Variants in MORN1 observed in about 807,000 individuals in gnomAD.
The protein encoded by MORN1 is MORN repeat containing 1.
MORN1 carries 67 observed loss-of-function variants against 61.9 expected under a neutral mutation model. The observed-to-expected ratio is 1.08, with a 90% CI of 0.89 to 1.33. The LOEUF (loss-of-function observed/expected upper bound fraction) is 1.33, where lower values mean the gene tolerates loss of function less well. Among genes scored for constraint, MORN1 ranks in the 40% most tolerant of loss-of-function variants. MORN1 has a pLI of 0.00. For synonymous variants in MORN1, 301 were observed against 292.0 expected, an observed-to-expected ratio of 1.03 and a Z score of -0.31; for missense variants, 752 against 691.2, an observed-to-expected ratio of 1.09 and a Z score of -0.99.
At chr1:2,374,713 C>T (rs12031614) in intron 6 of MORN1, 156 bp from the exon 7 acceptor site, 232,431 of 597,074 alleles carry the variant, frequency 0.39, 47,182 homozygotes, top group East Asian at 0.55. Flanking sequence ...GCCTGTCCCT[C>T]GGTGGTGAGA....
chr1:2,322,500 A>C, intron 13 of MORN1: 1 of 985,294 alleles, frequency 1.0e-6, no homozygotes, highest in Non-Finnish European at 1.2e-6. Flanking sequence ...AGGGCTGGAC[A>C]AGAGCAAGCC....
intron 10 of MORN1, among the ~76,000 whole-genome samples, chr1:2,346,817 G>T (rs115202793): frequency 0.013 from 1,962 of 152,304 alleles, 18 homozygotes; most frequent in Non-Finnish European, 0.021. Flanking sequence ...GAGTACCGAG[G>T]CTCCTGCCGG....
chr1:2,321,919 T>C, intron 13 of MORN1: 2 of 765,746 alleles, frequency 2.6e-6, no homozygotes, highest in Non-Finnish European at 3.2e-6. Context: ...CCCCCACTGC[T>C]GACCTGGCTA....
In MORN1 at chr1:2,334,689, G is replaced by A. The variant is rs1387721717; in HGVS notation, c.1250+1780C>T. On this transcript the variant is annotated intron_variant, in intron 12 of 13. Coordinates refer to ENST00000378531, the MANE Select transcript of MORN1 (RefSeq NM_024848.3). The surrounding 1 kb of genome is among the most constrained non-coding windows in gnomAD (Gnocchi z 5.4). ...TTTGAACACTGAACACTCCGACTCC[G>A]CGGCCAGGTCGTCCTGGGATTGAAA... Among the ~76,000 whole-genome samples the A allele has an allele frequency of 6.6e-6, 1 of 152,204 alleles. No homozygotes were observed. The highest frequency in any genetic ancestry group is 2.1e-4 in the South Asian group (1 of 4,838).
intron 12 of MORN1, among the ~76,000 whole-genome samples, chr1:2,330,401 G>A (rs1055577745): frequency 1.3e-5 from 2 of 152,138 alleles, no homozygotes; most frequent in Non-Finnish European, 1.5e-5. Context: ...GGAACGGGTC[G>A]GTGTCCTTCG....
intron 8 of MORN1, among the ~76,000 whole-genome samples, chr1:2,362,863 CA>C (rs139162854): frequency 6.2e-5 from 9 of 145,798 alleles, no homozygotes; most frequent in African/African-American, 5.1e-5. Context: ...AACTCCATCT[CA>C]AAAAAAAAAG....
At chr1:2,361,728 T>C (rs1641894120) in intron 8 of MORN1, among the ~76,000 whole-genome samples, 1 of 152,154 alleles carries the variant, frequency 6.6e-6, no homozygotes, top group African/African-American at 2.4e-5. Flanking sequence ...TTGGCCAACG[T>C]GGGGATGAGG....
chr1:2,351,525 C>T (rs377030187), intron 10 of MORN1: 7 of 180,784 alleles, frequency 3.9e-5, no homozygotes, highest in South Asian at 1.0e-4. Flanking sequence ...CCTTCTCCTC[C>T]GGTAAGAGTC....
chr1:2,339,219 A>G (rs1166399304), intron 10 of MORN1, among the ~76,000 whole-genome samples: 1 of 152,176 alleles, frequency 6.6e-6, no homozygotes, highest in Non-Finnish European at 1.5e-5. Context: ...TCTAGATCCC[A>G]GCGCATCTGG....
intron 12 of MORN1, among the ~76,000 whole-genome samples, chr1:2,335,574 C>T (rs1641247790): frequency 6.6e-6 from 1 of 152,212 alleles, no homozygotes; most frequent in African/African-American, 2.4e-5. Flanking sequence ...GGGCTCATGT[C>T]TCTCAAGAGC....
At chr1:2,389,015 G>A (rs1333276947) in intron 2 of MORN1, among the ~76,000 whole-genome samples, 1 of 151,468 alleles carries the variant, frequency 6.6e-6, no homozygotes, top group African/African-American at 2.4e-5. Context: ...ATGAGGCTGA[G>A]GCAGGAGAAT....
chr1:2,370,724 A>G (rs1642100732), intron 8 of MORN1, among the ~76,000 whole-genome samples: 1 of 147,500 alleles, frequency 6.8e-6, no homozygotes, highest in Non-Finnish European at 1.5e-5. Context: ...CACCCAGGCT[A>G]GAGTGTAGTG....
chr1:2,323,517 C>T, intron 13 of MORN1: 1 of 985,394 alleles, frequency 1.0e-6, no homozygotes, highest in Non-Finnish European at 1.2e-6. Flanking sequence ...GCTGAGGTGC[C>T]CTGGCATTCG....
chr1:2,384,674 C>T (rs1446714926), intron 6 of MORN1, among the ~76,000 whole-genome samples: 1 of 152,228 alleles, frequency 6.6e-6, no homozygotes, highest in East Asian at 1.9e-4. Context: ...CACCCTTCTT[C>T]CTTTGGTTTG....
intron 12 of MORN1, among the ~76,000 whole-genome samples, chr1:2,335,916 C>T (rs1028281245): frequency 6.0e-5 from 9 of 151,098 alleles, no homozygotes; most frequent in East Asian, 1.9e-4. Flanking sequence ...CTCCGAGCCC[C>T]GAGCCCCAGC....
chr1:2,331,806 G>C (rs891201054), intron 12 of MORN1, among the ~76,000 whole-genome samples: 6 of 150,268 alleles, frequency 4.0e-5, no homozygotes, highest in South Asian at 4.2e-4. Flanking sequence ...CTCTCCCGCG[G>C]CTGCGCCTCT....
Position 2,374,563 on chromosome 1 carries a change from G to C in MORN1, c.538-6C>G. On this transcript the variant is annotated splice_polypyrimidine_tract_variant and splice_region_variant and intron_variant, in intron 6 of 13. Transcript: ENST00000378531. ...ACGTCGCTGTGCCACTGTCCCTGCA[G>C]AGAGAAGGGTGAGGCTCAGGCTGGT... The C allele has an allele frequency of 6.3e-7, 1 of 1,581,216 alleles. No homozygotes were observed. The highest frequency in any genetic ancestry group is 8.6e-7 in the Non-Finnish European group (1 of 1,163,668).
chr1:2,352,127 G>A, intron 10 of MORN1: 1 of 394,486 alleles, frequency 2.5e-6, no homozygotes, highest in South Asian at 3.2e-5. Flanking sequence ...TAGAGTGTTT[G>A]TGAGCTTTTT....
chr1:2,344,535 C>T (rs925929203), intron 10 of MORN1, among the ~76,000 whole-genome samples: 8 of 152,188 alleles, frequency 5.3e-5, no homozygotes, highest in Admixed American at 2.0e-4. Context: ...GCGGGGACCG[C>T]ACAGACGGCA....
Sources: gnomAD v4.1 joint callset for allele counts (sites outside exome capture counted in the v4.1 genomes callset) on GRCh38, gnomAD v4.1.1 for gene constraint, Gnocchi (gnomAD v3.1) non-coding constraint, MANE v1.5 for transcripts, NCBI Gene and HGNC (gene_info 2026-07-23, HGNC 2026-07-21) for gene names.